The following LRBA variants were observed in gnomAD, a reference collection of about 807,000 sequenced individuals.
The protein encoded by LRBA is LPS responsive beige-like anchor protein, also known as lipopolysaccharide-responsive and beige-like anchor protein.
LRBA carries 176 observed loss-of-function variants against 330.0 expected under a neutral mutation model. That is an observed-to-expected ratio of 0.53 (90% CI 0.47 to 0.60). The LOEUF is 0.60. Among genes scored for constraint, LRBA ranks in the 20% least tolerant of loss-of-function variants. The pLI is 0.00. For missense variants in LRBA, 3,259 were observed against 3,444.8 expected, an observed-to-expected ratio of 0.95 and a Z score of 1.35; for synonymous variants, 1,230 against 1,193.0, an observed-to-expected ratio of 1.03 and a Z score of -0.64.
chr4:150,282,575 T>C lies in LRBA; in HGVS notation c.8191A>G (p.Lys2731Glu). ...CTTGAAGCCTGAATGAGTTTTGGTT[T>C]CAGGCAGTTTTCAGGACCCTCCAAG... The part of the protein sequence containing the change: ...RTLEGPENCL[K>E]PKLIQASREG... Residue 2731 changes from lysine to glutamate, a missense_variant, in exon 55 of 57, where the codon AAA becomes GAA. Lys to Glu is a moderately conservative substitution (Grantham distance 56). Coordinates refer to ENST00000651943, the MANE Select transcript of LRBA (RefSeq NM_001364905.1). 6.2e-7 allele frequency: 1 copy of C among 1,614,190 alleles called. No individual in the cohort carries two copies. Among genetic ancestry groups the C allele is most frequent in the Non-Finnish European group, 8.5e-7 (1 of 1,179,998 alleles).
At chr4:150,904,235 T>C (rs548390788) in intron 13 of LRBA, among the ~76,000 whole-genome samples, 3 of 152,278 alleles carry the variant, frequency 2.0e-5, no homozygotes, top group East Asian at 1.9e-4. Context: ...CTAAACCTAA[T>C]TTTGTATGCA....
chr4:150,545,844 T>G (rs189829741), intron 40 of LRBA, among the ~76,000 whole-genome samples: 37 of 152,270 alleles, frequency 2.4e-4, no homozygotes, highest in African/African-American at 8.7e-4. Context: ...AAAAATAATC[T>G]TGGTCTTTGA....
intron 2 of LRBA, among the ~76,000 whole-genome samples, chr4:150,975,247 A>G (rs1465718698): frequency 6.6e-6 from 1 of 152,204 alleles, no homozygotes; most frequent in Admixed American, 6.5e-5. Flanking sequence ...AAGGTAAAGT[A>G]GCCAGGCACA....
chr4:150,778,894 G>A (rs1560805391), intron 34 of LRBA, among the ~76,000 whole-genome samples: 1 of 152,154 alleles, frequency 6.6e-6, no homozygotes, highest in Non-Finnish European at 1.5e-5. Context: ...GTTCATTAGA[G>A]ACTTCTGGAG....
At chr4:150,269,402 A>G (rs1033958095) in intron 56 of LRBA, among the ~76,000 whole-genome samples, 4 of 152,242 alleles carry the variant, frequency 2.6e-5, no homozygotes, top group Admixed American at 2.6e-4. Flanking sequence ...TCTTTTCAAC[A>G]AATTATGCTG....
At chr4:150,841,471 C>T (rs932696163) in intron 28 of LRBA, among the ~76,000 whole-genome samples, 1 of 151,980 alleles carries the variant, frequency 6.6e-6, no homozygotes, top group African/African-American at 2.4e-5. Context: ...TTTTTATTAG[C>T]AAACTTGAAC....
chr4:150,567,687 G>A (rs1213701238), intron 40 of LRBA, among the ~76,000 whole-genome samples: 1 of 152,106 alleles, frequency 6.6e-6, no homozygotes, highest in Non-Finnish European at 1.5e-5. Flanking sequence ...AAAGTGGTGT[G>A]TTATTCTTAT....
chr4:150,440,753 C>G (rs540982993), intron 44 of LRBA, among the ~76,000 whole-genome samples: 67 of 151,442 alleles, frequency 4.4e-4, no homozygotes, highest in Non-Finnish European at 8.8e-4. Flanking sequence ...GAGTGAGACC[C>G]TGTCTCAAAC....
intron 36 of LRBA, among the ~76,000 whole-genome samples, chr4:150,686,995 T>C (rs1262931286): frequency 6.6e-6 from 1 of 152,116 alleles, no homozygotes; most frequent in African/African-American, 2.4e-5. Flanking sequence ...CAACTTTTCA[T>C]ATCTGACATA....
intron 34 of LRBA, among the ~76,000 whole-genome samples, chr4:150,787,512 T>C (rs1002047004): frequency 2.7e-5 from 4 of 150,440 alleles, no homozygotes; most frequent in Admixed American, 1.3e-4. Flanking sequence ...TCTCAATACT[T>C]TTTGTTTTTT....
intron 27 of LRBA, 131 bp from the exon 28 acceptor site, chr4:150,844,338 T>G: frequency 1.9e-6 from 1 of 535,186 alleles, no homozygotes; most frequent in Non-Finnish European, 3.1e-6. Flanking sequence ...CCCACTTTTT[T>G]TGTGTGTATG....
At chr4:150,286,686 C>T (rs767752253) in intron 53 of LRBA, among the ~76,000 whole-genome samples, 2 of 151,922 alleles carry the variant, frequency 1.3e-5, no homozygotes, top group Admixed American at 6.6e-5. Flanking sequence ...AAATGAGGGG[C>T]GGTGGGTAGA....
intron 36 of LRBA, among the ~76,000 whole-genome samples, chr4:150,710,830 A>T (rs1395194127): frequency 3.9e-5 from 6 of 152,004 alleles, no homozygotes; most frequent in African/African-American, 1.4e-4. Context: ...GAAGAAAAAG[A>T]GGCCCTTGTT....
chr4:150,797,356 T>A (rs1019485230), intron 34 of LRBA, among the ~76,000 whole-genome samples: 9 of 151,868 alleles, frequency 5.9e-5, no homozygotes, highest in Non-Finnish European at 1.0e-4. Flanking sequence ...TAAAAAAGGC[T>A]ATTTTAAAGT....
intron 48 of LRBA, among the ~76,000 whole-genome samples, chr4:150,346,376 A>G (rs921086333): frequency 1.3e-5 from 2 of 152,082 alleles, no homozygotes; most frequent in African/African-American, 4.8e-5. Flanking sequence ...ATAATTAACT[A>G]CTTAGGATTG....
intron 47 of LRBA, among the ~76,000 whole-genome samples, chr4:150,391,683 T>G (rs1743961932): frequency 6.6e-6 from 1 of 152,166 alleles, no homozygotes. Context: ...AGTGAGAGAT[T>G]AAATTCTAGG....
chr4:150,923,184 CAAA>C (rs372277904), intron 4 of LRBA, among the ~76,000 whole-genome samples: 1 of 137,318 alleles, frequency 7.3e-6, no homozygotes. Context: ...ATCGTAAAGT[CAAA>C]AAAAAAAAAA....
intron 56 of LRBA, among the ~76,000 whole-genome samples, chr4:150,267,355 G>A (rs1745477435): frequency 6.6e-6 from 1 of 152,078 alleles, no homozygotes; most frequent in Non-Finnish European, 1.5e-5. Flanking sequence ...ATAATAGAAT[G>A]AAACTAGGTA....
chr4:150,316,038 T>TCTC (rs1367967600), intron 50 of LRBA, among the ~76,000 whole-genome samples: 1 of 152,188 alleles, frequency 6.6e-6, no homozygotes, highest in Non-Finnish European at 1.5e-5. Context: ...TACAAAAATG[T>TCTC]CAACTTATGA....
Sources: allele counts gnomAD v4.1 joint callset (sites outside exome capture counted in the v4.1 genomes callset), GRCh38; gene constraint gnomAD v4.1.1; transcripts MANE v1.5; gene names NCBI Gene and HGNC (gene_info 2026-07-23, HGNC 2026-07-21).